BANP: variants seen among roughly 807,000 people sequenced by gnomAD.
The protein encoded by BANP is BTG3 associated nuclear protein.
A neutral mutation model predicts 68.1 loss-of-function variants in BANP; 11 were observed. The ratio of observed to expected loss-of-function variants is 0.16; its 90% CI spans 0.10 to 0.27. BANP has a LOEUF of 0.27. BANP is among the 10% of genes least tolerant of loss of function. The probability of loss-of-function intolerance (pLI) is 1.00; values close to 1 mark genes in which losing one functional copy is unlikely to be tolerated. For missense variants in BANP, 504 were observed against 722.7 expected (o/e 0.70, Z 3.47); for synonymous variants, 329 against 303.2 (o/e 1.09, Z -0.88).
intron 4 of BANP, among the ~76,000 whole-genome samples, chr16:87,993,554 C>T (rs377127503): frequency 6.6e-6 from 1 of 152,142 alleles, no homozygotes; most frequent in African/African-American, 2.4e-5. Context: ...GACATTCCCT[C>T]CATTCCCTCT....
At chr16:88,066,758 A>G (rs2088741533) in intron 12 of BANP, among the ~76,000 whole-genome samples, 1 of 152,208 alleles carries the variant, frequency 6.6e-6, no homozygotes, top group African/African-American at 2.4e-5. Context: ...GAAAGGTGCC[A>G]AACCTTGCCT....
intron 8 of BANP, among the ~76,000 whole-genome samples, chr16:88,031,469 T>C (rs935158343): frequency 7.9e-5 from 12 of 151,350 alleles, no homozygotes; most frequent in African/African-American, 2.7e-4. Context: ...CCTGGTGAAA[T>C]CCCTTCTCTA....
Position 88,058,990 on chromosome 16 carries a change from A to C in BANP, c.1312-6277A>C, listed in dbSNP as rs73252335. 5.6e-3 allele frequency among the ~76,000 whole-genome samples: 853 copies of C among 151,820 alleles called. 15 individuals are homozygous for C. Among genetic ancestry groups the C allele is most frequent in the African/African-American group, 0.019 (806 of 41,334 alleles). ...TCCTGCTTTCGGCAGCTGCTCCTCC[A>C]GTGGTGTCCCTCACGCCCAGTGTGT... On this transcript the variant is annotated intron_variant, in intron 11 of 13. Coordinates refer to ENST00000682872, the MANE Select transcript of BANP (RefSeq NM_001386991.1).
chr16:88,048,592 C>CGA (rs2082534257), intron 11 of BANP, among the ~76,000 whole-genome samples: 2 of 151,630 alleles, frequency 1.3e-5, no homozygotes, highest in South Asian at 2.1e-4. Context: ...GGCATCGATT[C>CGA]TAACAGTGTT....
chr16:88,003,316 C>G lies in BANP; in HGVS notation c.363-979C>G, dbSNP rs1046314777. ...CATGGCGTGGTGCTGTGCTGGCACT[C>G]AATGTGGGGACAGTTACAGTGATAC... On this transcript the variant is annotated intron_variant, in intron 4 of 13. Transcript: ENST00000682872. This position sits in a 1 kb window ranked among gnomAD's most constrained non-coding sequence, Gnocchi z 6.1. Among the ~76,000 whole-genome samples, 1 of 152,172 alleles carries G rather than the reference C, an allele frequency of 6.6e-6. No homozygotes were observed. Among genetic ancestry groups the G allele is most frequent in the African/African-American group, 2.4e-5 (1 of 41,432 alleles).
chr16:88,073,640 A>G (rs2090937019), intron 13 of BANP, among the ~76,000 whole-genome samples: 1 of 152,206 alleles, frequency 6.6e-6, no homozygotes, highest in Non-Finnish European at 1.5e-5. Flanking sequence ...AAGAACAGTC[A>G]GGCGTGGCTG....
In BANP at chr16:87,996,968, G is replaced by A. The variant is rs538514213; in HGVS notation, c.363-7327G>A. On this transcript the variant is annotated intron_variant, in intron 4 of 13. Coordinates refer to ENST00000682872, the MANE Select transcript of BANP (RefSeq NM_001386991.1). Reference sequence around the variant, plus strand: ...TGTCTGTTCACATGTGCTCCATTTTGTGTGGTCCACGAGCAACAGGGGCCG... The same window carrying A: ...TGTCTGTTCACATGTGCTCCATTTTATGTGGTCCACGAGCAACAGGGGCCG... Among the ~76,000 whole-genome samples the A allele has an allele frequency of 3.3e-5, 5 of 152,284 alleles. No homozygotes were observed. In the South Asian group the frequency reaches 6.2e-4, roughly 19 times the overall value.
intron 4 of BANP, among the ~76,000 whole-genome samples, chr16:87,994,124 T>A (rs374993507): frequency 6.6e-6 from 1 of 151,414 alleles, no homozygotes; most frequent in African/African-American, 2.5e-5. Context: ...TGCGGTGCAC[T>A]GTGTCCTCTG....
At chr16:88,054,944 T>C (rs907012850) in intron 11 of BANP, among the ~76,000 whole-genome samples, 1 of 152,220 alleles carries the variant, frequency 6.6e-6, no homozygotes, top group African/African-American at 2.4e-5. Flanking sequence ...GTATTATATC[T>C]ATTGAGATGT....
At chr16:88,010,895 C>T (rs1044442781) in intron 6 of BANP, among the ~76,000 whole-genome samples, 4 of 50,516 alleles carry the variant, frequency 7.9e-5, no homozygotes, top group South Asian at 1.6e-3. Context: ...GAATGCCATT[C>T]GTGCACATGG....
intron 11 of BANP, among the ~76,000 whole-genome samples, chr16:88,059,363 C>G (rs1362281963): frequency 6.6e-6 from 1 of 152,046 alleles, no homozygotes; most frequent in Non-Finnish European, 1.5e-5. Context: ...TCTGCCTCTC[C>G]TCTGCTTCTC....
At position 87,975,966 on chromosome 16, in the gene BANP, A is replaced by G. The variant is rs541628728; in HGVS notation, c.70+781A>G. 5.3e-5 allele frequency among the ~76,000 whole-genome samples: 8 copies of G among 149,536 alleles called. No homozygotes were observed. The East Asian group carries it at 1.2e-3, about 23-fold the overall frequency. ...GTGTGTGGTGTCATGGAACCTTACCATGTGGTGTGTGTAATCCCCTGTGTG... is the reference window on the plus strand; with the variant it reads ...GTGTGTGGTGTCATGGAACCTTACCGTGTGGTGTGTGTAATCCCCTGTGTG... On this transcript the variant is annotated intron_variant, in intron 2 of 13. Transcript: ENST00000682872.
chr16:88,033,078 T>G, intron 8 of BANP, 31 bp from the exon 9 acceptor site: 2 of 1,560,044 alleles, frequency 1.3e-6, no homozygotes, highest in Non-Finnish European at 1.7e-6. Flanking sequence ...AAACTTCTCG[T>G]TCACCCCGTT....
intron 1 of BANP, among the ~76,000 whole-genome samples, chr16:87,968,224 C>CTA (rs1003270350): frequency 2.6e-5 from 4 of 151,848 alleles, no homozygotes; most frequent in African/African-American, 7.3e-5. Flanking sequence ...TGGCTCACCC[C>CTA]TATAATCCCA....
chr16:87,961,863 C>G (rs1180632072), intron 1 of BANP, among the ~76,000 whole-genome samples: 1 of 152,124 alleles, frequency 6.6e-6, no homozygotes, highest in Non-Finnish European at 1.5e-5. Context: ...GTTTGGGTGT[C>G]TCTCATATCC....
intron 1 of BANP, among the ~76,000 whole-genome samples, chr16:87,953,029 G>A (rs1378980609): frequency 1.3e-5 from 2 of 152,036 alleles, no homozygotes; most frequent in Non-Finnish European, 1.5e-5. Context: ...GTGATTCCAC[G>A]CTGCGTGGGG....
At chr16:88,041,119 G>A (rs923200005) in intron 11 of BANP, among the ~76,000 whole-genome samples, 4 of 152,206 alleles carry the variant, frequency 2.6e-5, no homozygotes, top group Non-Finnish European at 5.9e-5. Context: ...CACACTTGTT[G>A]CCGTTCTCCT....
At chr16:87,990,041 T>C (rs909187555) in intron 4 of BANP, among the ~76,000 whole-genome samples, 1 of 152,264 alleles carries the variant, frequency 6.6e-6, no homozygotes, top group Non-Finnish European at 1.5e-5. Context: ...AGTTGGCTAC[T>C]GGGCAGCTCA....
In BANP at chr16:88,015,699, C is replaced by T. The variant is rs1401133282; in HGVS notation, c.656-2729C>T. ...CCTGGCACTTGGGAGTCAGGAGGAGCGGGGCCGAGGTCTCGCGCTCCAGGA... is the reference window on the plus strand; with the variant it reads ...CCTGGCACTTGGGAGTCAGGAGGAGTGGGGCCGAGGTCTCGCGCTCCAGGA... On this transcript the variant is annotated intron_variant, in intron 6 of 13. Transcript: ENST00000682872. 2.6e-5 allele frequency among the ~76,000 whole-genome samples: 4 copies of T among 152,230 alleles called. No individual in the cohort carries two copies. The East Asian group carries it at 5.8e-4, about 22-fold the overall frequency.
Sources: gnomAD v4.1 joint callset for allele counts (sites outside exome capture counted in the v4.1 genomes callset) on GRCh38, gnomAD v4.1.1 for gene constraint, Gnocchi (gnomAD v3.1) non-coding constraint, MANE v1.5 for transcripts, NCBI Gene and HGNC (gene_info 2026-07-23, HGNC 2026-07-21) for gene names.